The following PSD3 variants were observed in gnomAD, a reference collection of about 807,000 sequenced individuals.
The protein encoded by PSD3 is PH and SEC7 domain-containing protein 3.
A neutral mutation model predicts 105.5 loss-of-function variants in PSD3; 49 were observed. The observed-to-expected ratio is 0.46, with a 90% CI of 0.37 to 0.59. The LOEUF (loss-of-function observed/expected upper bound fraction) is 0.59. PSD3 is among the 20% of genes least tolerant of loss of function. The probability of loss-of-function intolerance (pLI) is 0.00; values close to 1 mark genes in which losing one functional copy is unlikely to be tolerated. For missense variants in PSD3, 1,561 were observed against 1,263.8 expected (o/e 1.24, Z -3.57); for synonymous variants, 557 against 457.8 (o/e 1.22, Z -2.77).
chr8:18,852,876 G>A (rs962872194), intron 4 of PSD3, among the ~76,000 whole-genome samples: 25 of 152,148 alleles, frequency 1.6e-4, no homozygotes, highest in African/African-American at 5.8e-4. Flanking sequence ...AAGGAACTAT[G>A]GTAATTGCTT....
At chr8:18,822,227 G>C (rs901097564) in intron 4 of PSD3, among the ~76,000 whole-genome samples, 1 of 152,072 alleles carries the variant, frequency 6.6e-6, no homozygotes, top group Admixed American at 6.6e-5. Context: ...GGTTGAGAAG[G>C]GGCCATGGGA....
At chr8:19,066,859 C>T (rs774753469) in intron 1 of PSD3, among the ~76,000 whole-genome samples, 29 of 152,190 alleles carry the variant, frequency 1.9e-4, no homozygotes, top group Admixed American at 6.5e-5. Flanking sequence ...CTTTTCCTAA[C>T]CATGAAAACC....
At chr8:18,943,630 A>G (rs1037214163) in intron 1 of PSD3, among the ~76,000 whole-genome samples, 7 of 152,140 alleles carry the variant, frequency 4.6e-5, no homozygotes, top group African/African-American at 1.7e-4. Context: ...AGGACTATTC[A>G]CAAGGAATGG....
chr8:18,557,816 C>A (rs537550047), intron 14 of PSD3, among the ~76,000 whole-genome samples: 1 of 152,282 alleles, frequency 6.6e-6, no homozygotes, highest in Admixed American at 6.5e-5. Flanking sequence ...CTTTTATTTA[C>A]AAGTTCTTAC....
intron 1 of PSD3, among the ~76,000 whole-genome samples, chr8:18,955,656 C>T (rs968531707): frequency 1.3e-5 from 2 of 152,174 alleles, no homozygotes; most frequent in South Asian, 2.1e-4. Context: ...TCTTGATACA[C>T]GTTGCTGAGC....
At chr8:18,703,466 T>C (rs1801708802) in intron 9 of PSD3, among the ~76,000 whole-genome samples, 1 of 152,186 alleles carries the variant, frequency 6.6e-6, no homozygotes, top group African/African-American at 2.4e-5. Context: ...TCTGAGGGGA[T>C]CAAGCATTTA....
intron 9 of PSD3, among the ~76,000 whole-genome samples, chr8:18,657,908 G>A (rs1302060342): frequency 1.3e-5 from 2 of 152,126 alleles, no homozygotes; most frequent in African/African-American, 4.8e-5. Context: ...TTAAATGACC[G>A]CTAAACAGCT....
chr8:19,071,042 CCTCT>C (rs1236250248), intron 1 of PSD3, among the ~76,000 whole-genome samples: 1 of 151,832 alleles, frequency 6.6e-6, no homozygotes, highest in African/African-American at 2.4e-5. Context: ...TTTCAGCTCT[CCTCT>C]CTCTTTCTTT....
chr8:18,741,363 C>T (rs1223244715), intron 9 of PSD3, among the ~76,000 whole-genome samples: 1 of 152,132 alleles, frequency 6.6e-6, no homozygotes, highest in East Asian at 1.9e-4. Context: ...AGAACTTTAA[C>T]CAAGATGATG....
At chr8:18,793,653 T>G (rs886929223) in intron 8 of PSD3, among the ~76,000 whole-genome samples, 9 of 152,196 alleles carry the variant, frequency 5.9e-5, no homozygotes, top group Admixed American at 2.0e-4. Flanking sequence ...AGGGGAAAGC[T>G]CAGAGAGAAA....
At chr8:18,746,148 T>G (rs1399228459) in intron 9 of PSD3, among the ~76,000 whole-genome samples, 1 of 152,198 alleles carries the variant, frequency 6.6e-6, no homozygotes, top group African/African-American at 2.4e-5. Flanking sequence ...CATATACCCT[T>G]TCCTAATTGG....
chr8:18,990,068 C>T (rs970229545), intron 1 of PSD3, among the ~76,000 whole-genome samples: 1 of 152,150 alleles, frequency 6.6e-6, no homozygotes, highest in Admixed American at 6.5e-5. Context: ...TTTATCTTTC[C>T]ACTTGTCTGT....
chr8:19,030,340 T>C (rs73204593), intron 1 of PSD3, among the ~76,000 whole-genome samples: 14,048 of 152,190 alleles, frequency 0.092, 890 homozygotes, highest in East Asian at 0.23. Context: ...AATGTACTAT[T>C]GTATTAGTCT....
intron 4 of PSD3, among the ~76,000 whole-genome samples, chr8:18,843,106 T>A (rs954512162): frequency 6.6e-6 from 1 of 152,020 alleles, no homozygotes; most frequent in Non-Finnish European, 1.5e-5. Flanking sequence ...TAGCAAGAGT[T>A]ATTGCTCTCT....
intron 2 of PSD3, among the ~76,000 whole-genome samples, chr8:18,907,447 T>C (rs1563407175): frequency 6.6e-6 from 1 of 152,224 alleles, no homozygotes; most frequent in African/African-American, 2.4e-5. Flanking sequence ...AGTTCTCAGA[T>C]TACAGGCATG....
intron 11 of PSD3, among the ~76,000 whole-genome samples, chr8:18,630,486 A>T (rs1806817275): frequency 6.6e-6 from 1 of 151,880 alleles, no homozygotes; most frequent in South Asian, 2.1e-4. Context: ...AGAATCTGGG[A>T]CTTTGGAATA....
At position 18,765,545 on chromosome 8, in the gene PSD3, C is replaced by A. The variant is rs755072977; in HGVS notation, c.2083-7G>T. ...TCATCTTCTTTCCAATATTCTGAAA[C>A]AGAGGCAAACAGTACATCACTATGA... On this transcript the variant is annotated splice_region_variant and splice_polypyrimidine_tract_variant and intron_variant, in intron 8 of 15. Coordinates refer to ENST00000327040, the MANE Select transcript of PSD3 (RefSeq NM_015310.4). 1 of 1,561,792 alleles carries A rather than the reference C, an allele frequency of 6.4e-7. No homozygotes were observed. The highest frequency in any genetic ancestry group is 1.7e-5 in the Admixed American group (1 of 59,930).
chr8:18,896,960 A>C (rs1405400296), intron 2 of PSD3, among the ~76,000 whole-genome samples: 1 of 151,766 alleles, frequency 6.6e-6, no homozygotes, highest in Admixed American at 6.6e-5. Flanking sequence ...ACAGGCATGC[A>C]CCACCATGCT....
chr8:18,843,165 C>G (rs1814792714), intron 4 of PSD3, among the ~76,000 whole-genome samples: 1 of 152,048 alleles, frequency 6.6e-6, no homozygotes, highest in African/African-American at 2.4e-5. Context: ...TCGAGACCAT[C>G]CTGGCTACCA....
Sources: gnomAD v4.1 joint callset for allele counts (sites outside exome capture counted in the v4.1 genomes callset) on GRCh38, gnomAD v4.1.1 for gene constraint, MANE v1.5 for transcripts, NCBI Gene and HGNC (gene_info 2026-07-23, HGNC 2026-07-21) for gene names.